Variants in KIF27 observed in about 807,000 individuals in gnomAD.
KIF27 encodes the protein kinesin family member 27, also known as kinesin-like protein KIF27.
KIF27 carries 84 observed loss-of-function variants against 141.8 expected under a neutral mutation model. The ratio of observed to expected loss-of-function variants is 0.59; its 90% CI spans 0.50 to 0.71. KIF27 has a LOEUF of 0.71. Among genes scored for constraint, KIF27 ranks in the 30% least tolerant of loss-of-function variants. KIF27 has a pLI of 0.00. For missense variants in KIF27, 1,306 were observed against 1,628.4 expected (o/e 0.80, Z 3.41); for synonymous variants, 471 against 569.5 (o/e 0.83, Z 2.46).
intron 1 of KIF27, among the ~76,000 whole-genome samples, chr9:83,920,886 C>T (rs1429942096): frequency 1.3e-5 from 2 of 151,468 alleles, no homozygotes; most frequent in Non-Finnish European, 2.9e-5. Flanking sequence ...CAAGTTTCAA[C>T]CTCTACGGTG....
intron 17 of KIF27, 154 bp from the exon 18 acceptor site, chr9:83,837,639 G>T: frequency 5.2e-6 from 3 of 573,542 alleles, no homozygotes; most frequent in Non-Finnish European, 9.0e-6. Flanking sequence ...ATGAACAGAT[G>T]TGTGAATATG....
rs35190905 is a variant in KIF27, at chr9:83,867,979, C to T, written c.2758-119G>A. The T allele has an allele frequency of 1.3e-4, 145 of 1,123,524 alleles. No homozygotes were observed. The African/African-American group carries it at 2.2e-3, about 17-fold the overall frequency. 69.6% of individuals were successfully genotyped at this position (1,123,524 alleles called of 1,614,324 possible). A position where few individuals can be genotyped will look rare whatever the true frequency, so the allele number is the denominator to read the frequency against. On this transcript the variant is annotated intron_variant, in intron 12 of 17. Transcript: ENST00000297814. ...AAATGAACATTTAAAAACTATCACT[C>T]AGAGTAACTCAGGTAGCCGTCTGAG...
At chr9:83,869,812 T>A (rs1224576729) in intron 12 of KIF27, among the ~76,000 whole-genome samples, 1 of 152,186 alleles carries the variant, frequency 6.6e-6, no homozygotes, top group Non-Finnish European at 1.5e-5. Flanking sequence ...TTCTACAACA[T>A]TCAAATCAAC....
chr9:83,912,014 C>G (rs1955217550), intron 2 of KIF27, among the ~76,000 whole-genome samples: 1 of 151,934 alleles, frequency 6.6e-6, no homozygotes, highest in Non-Finnish European at 1.5e-5. Context: ...CTGCAGAACT[C>G]TACACTTGAA....
chr9:83,907,447 T>A (rs1426607339), intron 3 of KIF27, among the ~76,000 whole-genome samples: 1 of 152,042 alleles, frequency 6.6e-6, no homozygotes, highest in Admixed American at 6.6e-5. Context: ...TCCTTATACT[T>A]TCCTGTTTTC....
At position 83,903,680 on chromosome 9, in the gene KIF27, C is replaced by T. The variant is rs372449530; in HGVS notation, c.838G>A (p.Ala280Thr). The T allele has an allele frequency of 1.2e-5, 20 of 1,613,960 alleles. No homozygotes were observed. Among genetic ancestry groups the T allele is most frequent in the Non-Finnish European group, 1.6e-5 (19 of 1,180,014 alleles). ...GLLALGNVIS[A>T]LGDPRRKSSH... ...CTCTTCCTGCGTGGGTCCCCAAGAG[C>T]GCTTATTACATTTCCTAAAGCCAGC... Residue 280 changes from alanine (A) to threonine (T), a missense_variant, in exon 4 of 18, where the codon GCT (alanine) becomes ACT (threonine). By Grantham distance (58) the Ala-to-Thr change is moderately conservative. Coordinates refer to ENST00000297814, the MANE Select transcript of KIF27 (RefSeq NM_017576.4).
chr9:83,911,376 GC>G (rs1311821543), intron 2 of KIF27, among the ~76,000 whole-genome samples: 2 of 151,874 alleles, frequency 1.3e-5, no homozygotes, highest in Admixed American at 1.3e-4. Flanking sequence ...CACTACAGGC[GC>G]CCACCACCAC....
intron 2 of KIF27, 59 bp from the exon 3 acceptor site, chr9:83,908,711 C>G (rs1356353995): frequency 8.6e-6 from 9 of 1,048,166 alleles, no homozygotes; most frequent in Non-Finnish European, 1.2e-5. Context: ...AAGCTACAAC[C>G]CCAAATTTAT....
intron 11 of KIF27, among the ~76,000 whole-genome samples, chr9:83,875,662 G>C (rs750480878): frequency 1.6e-4 from 24 of 152,114 alleles, no homozygotes; most frequent in Admixed American, 3.9e-4. Context: ...ATCAGGAAGA[G>C]AGGAAAAAAC....
chr9:83,896,646 A>C (rs1041457275), intron 5 of KIF27, among the ~76,000 whole-genome samples: 3 of 152,336 alleles, frequency 2.0e-5, no homozygotes, highest in Non-Finnish European at 4.4e-5. Flanking sequence ...CATTAATTCT[A>C]AACATATATA....
chr9:83,866,748 C>T (rs1459717745), intron 13 of KIF27, among the ~76,000 whole-genome samples: 28 of 152,014 alleles, frequency 1.8e-4, no homozygotes, highest in Non-Finnish European at 2.4e-4. Flanking sequence ...TGGTGGTGTG[C>T]GCCTGTAGTC....
At chr9:83,864,169 C>G (rs1236767769) in intron 13 of KIF27, among the ~76,000 whole-genome samples, 2 of 152,086 alleles carry the variant, frequency 1.3e-5, no homozygotes, top group Non-Finnish European at 2.9e-5. Context: ...GTGTCTTTAT[C>G]TCCTTCAGTT....
At chr9:83,854,731 G>T (rs949258034) in intron 14 of KIF27, among the ~76,000 whole-genome samples, 2 of 152,090 alleles carry the variant, frequency 1.3e-5, no homozygotes, top group African/African-American at 4.8e-5. Context: ...CCAAATACAT[G>T]TTATGTTGGT....
At chr9:83,876,227 T>C (rs1276241351) in intron 11 of KIF27, among the ~76,000 whole-genome samples, 5 of 152,184 alleles carry the variant, frequency 3.3e-5, no homozygotes, top group South Asian at 2.1e-4. Flanking sequence ...CAGGTGAGTA[T>C]AGAATACTTT....
In KIF27 at chr9:83,903,449, C is replaced by CA. The variant is rs750364248; in HGVS notation, c.1068_1069insT (p.Asp357Ter). On this transcript the variant is annotated frameshift_variant, in exon 4 of 18. Transcript: ENST00000297814. LOFTEE classifies it high-confidence loss of function. ...AATTTAATCTCAAATTCCATTTCAT[C>CA]TATACGGTCTGACTCGGGGCTGAAG... The CA allele has an allele frequency of 1.9e-6, 3 of 1,614,150 alleles. No homozygotes were observed. The East Asian group carries it at 6.7e-5, about 36-fold the overall frequency.
chr9:83,900,645 C>T (rs572589949), intron 4 of KIF27, among the ~76,000 whole-genome samples: 1 of 151,586 alleles, frequency 6.6e-6, no homozygotes, highest in African/African-American at 2.4e-5. Context: ...ATGTTTACAG[C>T]AGCACAATTC....
Position 83,883,811 on chromosome 9 carries a change from AC to A in KIF27, c.2445+1del. 6.3e-7 allele frequency: 1 copy of A among 1,599,950 alleles called. No homozygotes were observed. The highest frequency in any genetic ancestry group is 1.1e-5 in the South Asian group (1 of 90,642). ...TTTTCTCAATTACATTTTTTAAATTACCTGAACTCTCAGCTTTGCAGCATCC... is the reference window on the plus strand; with the variant it reads ...TTTTCTCAATTACATTTTTTAAATTACTGAACTCTCAGCTTTGCAGCATCC... On this transcript the variant is annotated splice_donor_variant, in intron 10 of 17. Coordinates refer to ENST00000297814, the MANE Select transcript of KIF27 (RefSeq NM_017576.4). LOFTEE classifies it high-confidence loss of function.
intron 14 of KIF27, among the ~76,000 whole-genome samples, chr9:83,856,791 T>A (rs1949260689): frequency 7.0e-6 from 1 of 143,642 alleles, no homozygotes; most frequent in South Asian, 2.2e-4. Flanking sequence ...ACATCTGTAA[T>A]CCCAGCTACT....
At chr9:83,905,775 T>C (rs1451187992) in intron 3 of KIF27, among the ~76,000 whole-genome samples, 1 of 152,160 alleles carries the variant, frequency 6.6e-6, no homozygotes, top group Non-Finnish European at 1.5e-5. Context: ...TAAATCAGAA[T>C]CCCTGTGAAG....
Sources: allele counts gnomAD v4.1 joint callset (sites outside exome capture counted in the v4.1 genomes callset), GRCh38; gene constraint gnomAD v4.1.1; transcripts MANE v1.5; gene names NCBI Gene and HGNC (gene_info 2026-07-23, HGNC 2026-07-21).